ANP32A: variants seen among roughly 807,000 people sequenced by gnomAD.
The protein encoded by ANP32A is acidic leucine-rich nuclear phosphoprotein 32 family member A.
ANP32A carries 1 observed loss-of-function variant against 33.9 expected under a neutral mutation model. That is an observed-to-expected ratio of 0.03 (90% CI 0.01 to 0.14). The LOEUF is 0.14. Among genes scored for constraint, ANP32A ranks in the 10% least tolerant of loss-of-function variants. ANP32A has a pLI of 1.00. For synonymous variants in ANP32A, 115 were observed against 120.5 expected (o/e 0.95, Z 0.30); for missense variants, 155 against 306.0 (o/e 0.51, Z 3.68).
At chr15:68,793,648 A>G (rs1453898185) in intron 1 of ANP32A, among the ~76,000 whole-genome samples, 1 of 152,246 alleles carries the variant, frequency 6.6e-6, no homozygotes, top group Non-Finnish European at 1.5e-5. Flanking sequence ...TGCCTCTACC[A>G]GATAGAACAG....
intron 1 of ANP32A, chr15:68,789,823 C>T (rs1567035179): frequency 6.6e-6 from 1 of 152,426 alleles, no homozygotes; most frequent in Non-Finnish European, 1.5e-5. Context: ...AGCTCTCAGC[C>T]TAGGAAATGG....
intron 1 of ANP32A, among the ~76,000 whole-genome samples, chr15:68,807,978 A>C (rs772728222): frequency 6.6e-6 from 1 of 152,162 alleles, no homozygotes; most frequent in African/African-American, 2.4e-5. Flanking sequence ...GAAAAATTCC[A>C]AGTGTGATGA....
chr15:68,783,666 G>A (rs1893897327), intron 4 of ANP32A, among the ~76,000 whole-genome samples: 1 of 152,216 alleles, frequency 6.6e-6, no homozygotes, highest in African/African-American at 2.4e-5. Flanking sequence ...GAAGATGCAT[G>A]GGAAAGCTGC....
chr15:68,779,968 T>TAC lies in ANP32A; in HGVS notation c.*111_*112dup. 2.1e-6 allele frequency: 2 copies of TAC among 948,908 alleles called. No homozygotes were observed. Among genetic ancestry groups the TAC allele is most frequent in the Non-Finnish European group, 3.1e-6 (2 of 639,818 alleles). 58.8% of individuals were successfully genotyped at this position (948,908 alleles called of 1,614,324 possible). A position where few individuals can be genotyped will look rare whatever the true frequency, so the allele number is the denominator to read the frequency against. ...TCCCCTCTCGTTCCCACAGCAACGT[T>TAC]ACAATCAGAAAAAAATAAGTTTCAG... is the stretch of plus-strand genomic sequence containing the variant. On this transcript the variant is annotated 3_prime_UTR_variant, in exon 7 of 7. Coordinates refer to ENST00000465139, the MANE Select transcript of ANP32A (RefSeq NM_006305.4).
intron 1 of ANP32A, chr15:68,801,819 T>TCA (rs10689979): frequency 0.42 from 65,097 of 154,308 alleles, 14,085 homozygotes; most frequent in South Asian, 0.52. Context: ...ACCAACTGAG[T>TCA]CACACCAGAG....
rs372376103 is a variant in ANP32A, at chr15:68,782,151, A to G, written c.624+805T>C. On this transcript the variant is annotated intron_variant, in intron 5 of 6. Coordinates refer to ENST00000465139, the MANE Select transcript of ANP32A (RefSeq NM_006305.4). ...GTTGATTTAGAATTCTGAGCAAGTC[A>G]TAGAAAATGACTCTGCTACAGAGAG... Among the ~76,000 whole-genome samples the G allele has an allele frequency of 1.8e-4, 27 of 152,350 alleles. 1 individual carries two copies. The South Asian group carries it at 5.2e-3, about 29-fold the overall frequency.
At chr15:68,785,066 T>TGA (rs1485131361) in intron 3 of ANP32A, among the ~76,000 whole-genome samples, 5 of 152,208 alleles carry the variant, frequency 3.3e-5, no homozygotes, top group Admixed American at 2.0e-4. Flanking sequence ...CTTCATGTAC[T>TGA]GAGTCACTTT....
intron 1 of ANP32A, among the ~76,000 whole-genome samples, chr15:68,796,239 G>A (rs753298589): frequency 1.3e-5 from 2 of 151,860 alleles, no homozygotes; most frequent in East Asian, 1.9e-4. Flanking sequence ...CCACCACCAC[G>A]TCTGGCTGAT....
intron 1 of ANP32A, among the ~76,000 whole-genome samples, chr15:68,795,496 G>A (rs1039530874): frequency 1.3e-5 from 2 of 152,216 alleles, no homozygotes; most frequent in Admixed American, 6.5e-5. Context: ...CCGCCGGCGC[G>A]GGGAGGGCCC....
chr15:68,797,597 C>T (rs187159154), intron 1 of ANP32A, among the ~76,000 whole-genome samples: 29 of 152,282 alleles, frequency 1.9e-4, no homozygotes, highest in African/African-American at 6.7e-4. Context: ...ATCAGTGCTC[C>T]CTGGCAAAAC....
At chr15:68,816,605 T>C (rs1398503989) in intron 1 of ANP32A, among the ~76,000 whole-genome samples, 2 of 152,180 alleles carry the variant, frequency 1.3e-5, no homozygotes, top group East Asian at 3.8e-4. Context: ...ATAGACAGCA[T>C]ATACTGAGGG....
intron 1 of ANP32A, among the ~76,000 whole-genome samples, chr15:68,813,906 G>C (rs1453615414): frequency 1.2e-5 from 1 of 86,956 alleles, no homozygotes; most frequent in African/African-American, 4.5e-5. Flanking sequence ...GTCTCGCTTT[G>C]TCCCCCAGGC....
intron 4 of ANP32A, among the ~76,000 whole-genome samples, chr15:68,784,011 G>T (rs1235315679): frequency 6.6e-6 from 1 of 152,176 alleles, no homozygotes; most frequent in Admixed American, 6.5e-5. Context: ...CTAAGTGCGG[G>T]TCACACTACA....
At position 68,780,205 on chromosome 15, in the gene ANP32A, C is replaced by T. The variant is rs951484249; in HGVS notation, c.689-63G>A. The T allele has an allele frequency of 2.5e-6, 4 of 1,600,950 alleles. No individual in the cohort carries two copies. The highest frequency in any genetic ancestry group is 2.7e-5 in the African/African-American group (2 of 74,336). ...AATCCCACCTCTTTAACTCAACCCA[C>T]CCAGTGAGAAGTCAGGGGACCCATG... On this transcript the variant is annotated intron_variant, in intron 6 of 6. Coordinates refer to ENST00000465139, the MANE Select transcript of ANP32A (RefSeq NM_006305.4). This position sits in a 1 kb window ranked among gnomAD's most constrained non-coding sequence, Gnocchi z 4.3.
intron 1 of ANP32A, among the ~76,000 whole-genome samples, chr15:68,788,805 G>A (rs1325202925): frequency 1.3e-5 from 2 of 152,150 alleles, no homozygotes; most frequent in African/African-American, 4.8e-5. Flanking sequence ...GTGCTTGGAG[G>A]CACCTCTGTG....
intron 1 of ANP32A, among the ~76,000 whole-genome samples, chr15:68,808,122 C>T (rs1371379673): frequency 6.6e-6 from 1 of 152,216 alleles, no homozygotes; most frequent in Non-Finnish European, 1.5e-5. Flanking sequence ...GCTCCATTTT[C>T]CTCTAGTTTC....
intron 4 of ANP32A, among the ~76,000 whole-genome samples, chr15:68,783,516 A>C (rs924972395): frequency 3.9e-5 from 6 of 152,242 alleles, no homozygotes; most frequent in African/African-American, 9.6e-5. Flanking sequence ...CCTTTCTGCC[A>C]TATCACAAGA....
chr15:68,810,404 AG>A (rs1894296180), intron 1 of ANP32A, among the ~76,000 whole-genome samples: 1 of 152,118 alleles, frequency 6.6e-6, no homozygotes, highest in Admixed American at 6.6e-5. Flanking sequence ...GGATGGAAAG[AG>A]GATCATGAGT....
chr15:68,812,055 G>C (rs1894320168), intron 1 of ANP32A, among the ~76,000 whole-genome samples: 1 of 150,368 alleles, frequency 6.7e-6, no homozygotes, highest in African/African-American at 2.5e-5. Context: ...TTTTTTAAGT[G>C]AATGCCAGGT....
Sources: gnomAD v4.1 joint callset for allele counts (sites outside exome capture counted in the v4.1 genomes callset) on GRCh38, gnomAD v4.1.1 for gene constraint, Gnocchi (gnomAD v3.1) non-coding constraint, MANE v1.5 for transcripts, NCBI Gene and HGNC (gene_info 2026-07-23, HGNC 2026-07-21) for gene names.